CAD: variants seen among roughly 807,000 people sequenced by gnomAD.
The protein encoded by CAD is multifunctional protein CAD.
A neutral mutation model predicts 237.2 loss-of-function variants in CAD; 81 were observed. The observed-to-expected ratio is 0.34, with a 90% CI of 0.29 to 0.41. CAD has a LOEUF of 0.41. Among genes scored for constraint, CAD ranks in the 10% least tolerant of loss-of-function variants. The probability of loss-of-function intolerance (pLI) is 1.00; values close to 1 mark genes in which losing one functional copy is unlikely to be tolerated. For synonymous variants in CAD, 1,196 were observed against 1,162.8 expected, an observed-to-expected ratio of 1.03 and a Z score of -0.58; for missense variants, 2,181 against 2,951.7, an observed-to-expected ratio of 0.74 and a Z score of 6.05.
At chr2:27,224,213 T>A in intron 8 of CAD, 132 bp from the exon 9 acceptor site, 1 of 1,047,772 alleles carries the variant, frequency 9.5e-7, no homozygotes, top group East Asian at 2.5e-5. Flanking sequence ...GGTCCTGGGT[T>A]CTGGTCCTCC....
In CAD at chr2:27,243,164, C is replaced by G. The variant is rs759793894; in HGVS notation, c.6481-34C>G. ...GTGTCCTCTGTAGCCACTCCTACCCCAAGGCACTAATGGGGACCCCATCTG... is the reference window on the plus strand; with the variant it reads ...GTGTCCTCTGTAGCCACTCCTACCCGAAGGCACTAATGGGGACCCCATCTG... On this transcript the variant is annotated intron_variant, in intron 42 of 43. Transcript: ENST00000264705. 5 of 1,603,208 alleles carry G rather than the reference C, an allele frequency of 3.1e-6. No individual in the cohort carries two copies. In the Admixed American group the frequency reaches 5.0e-5, roughly 16 times the overall value.
chr2:27,221,215 C>A lies in CAD; in HGVS notation c.223-3C>A. Reference sequence around the variant, plus strand: ...GCTTCTCACAATCTCTTTCCATCTACAGTGGTTTGAATCCTCGGGCATCCA... The same window carrying A: ...GCTTCTCACAATCTCTTTCCATCTAAAGTGGTTTGAATCCTCGGGCATCCA... On this transcript the variant is annotated splice_polypyrimidine_tract_variant and splice_region_variant and intron_variant, in intron 2 of 43. Transcript: ENST00000264705. 1 of 1,526,506 alleles carries A rather than the reference C, an allele frequency of 6.6e-7. No homozygotes were observed. Among genetic ancestry groups the A allele is most frequent in the Non-Finnish European group, 8.8e-7 (1 of 1,132,114 alleles). 94.6% of individuals were successfully genotyped at this position (1,526,506 alleles called of 1,614,324 possible).
Position 27,242,290 on chromosome 2 carries a change from CCT to C in CAD, c.6097-11_6097-10del. ...TGAGCTGCAAAAGACAGGATTTTCC[CCT>C]TTTTTCCAGCTGGCCGCCAAGCACT... On this transcript the variant is annotated splice_polypyrimidine_tract_variant and intron_variant, in intron 39 of 43. Transcript: ENST00000264705. This position sits in a 1 kb window ranked among gnomAD's most constrained non-coding sequence, Gnocchi z 6.4. The C allele has an allele frequency of 6.2e-7, 1 of 1,604,070 alleles. No homozygotes were observed. Among genetic ancestry groups the C allele is most frequent in the South Asian group, 1.1e-5 (1 of 90,458 alleles).
Position 27,223,929 on chromosome 2 carries a change from C to T in CAD, c.1008C>T (p.His336=), listed in dbSNP as rs1229260634. 6.2e-7 allele frequency: 1 copy of T among 1,612,852 alleles called. No homozygotes were observed. The highest frequency in any genetic ancestry group is 1.1e-5 in the South Asian group (1 of 91,060). The part of the protein sequence containing the change: ...NSLPFFSVQF[H]PEHQAGPSDM... ...ATCTCTTCAATAGTGTCCAGTTTCACCCAGAGCACCAAGCTGGCCCTTCAG... is the reference window on the plus strand; with the variant it reads ...ATCTCTTCAATAGTGTCCAGTTTCATCCAGAGCACCAAGCTGGCCCTTCAG... Residue 336 remains histidine (H), a synonymous_variant, in exon 8 of 44, where the codon CAC becomes CAT. Transcript: ENST00000264705.
rs1016612477 is a variant in CAD, at chr2:27,232,803, C to T, written c.2892+109C>T. 1.7e-5 allele frequency: 24 copies of T among 1,426,734 alleles called. No individual in the cohort carries two copies. Among genetic ancestry groups the T allele is most frequent in the Middle Eastern group, 3.6e-4 (2 of 5,480 alleles). The allele number at this position is 1,426,734 out of a possible 1,614,324, so 88.4% of individuals were successfully genotyped here. A position where few individuals can be genotyped will look rare whatever the true frequency, so the allele number is the denominator to read the frequency against. On this transcript the variant is annotated intron_variant, in intron 18 of 43. Coordinates refer to ENST00000264705, the MANE Select transcript of CAD (RefSeq NM_004341.5). This position sits in a 1 kb window ranked among gnomAD's most constrained non-coding sequence, Gnocchi z 4.1. ...ATTAATTGCCGTCCCTTACTTTGGT[C>T]ATAGAGCTTTGGGGTGGGGGTCCTT...
chr2:27,219,695 T>C (rs771211174), intron 2 of CAD, among the ~76,000 whole-genome samples: 8 of 152,162 alleles, frequency 5.3e-5, no homozygotes, highest in Non-Finnish European at 1.2e-4. Context: ...GTTCAAGCTA[T>C]TCTCCCACCT....
intron 15 of CAD, among the ~76,000 whole-genome samples, chr2:27,230,399 T>C (rs1675684498): frequency 6.6e-6 from 1 of 152,028 alleles, no homozygotes; most frequent in South Asian, 2.1e-4. Context: ...CCCAGCACTT[T>C]GGGAGGCCGA....
Position 27,237,768 on chromosome 2 carries a change from G to C in CAD, c.4614G>C (p.Ser1538=). Residue 1538 remains serine (S), a synonymous_variant, in exon 29 of 44, where the codon TCG becomes TCC. Coordinates refer to ENST00000264705, the MANE Select transcript of CAD (RefSeq NM_004341.5). The surrounding 1 kb of genome is among the most constrained non-coding windows in gnomAD (Gnocchi z 4.0). ...RCDFALFLGA[S]SENAGTLGTV... is the part of the protein sequence containing the mutation. ...ACTTTGCGCTATTCCTTGGGGCCTC[G>C]TCTGAAAATGCAGGAACCTTGGGCA... 6.2e-7 allele frequency: 1 copy of C among 1,614,196 alleles called. No individual in the cohort carries two copies. Among genetic ancestry groups the C allele is most frequent in the Non-Finnish European group, 8.5e-7 (1 of 1,180,032 alleles).
rs1447740353 is a variant in CAD, at chr2:27,231,458, G to C, written c.2288-10G>C. ...TCCACACCTTCATTCCTTCCATTCT[G>C]TTCTTCCAGGTGAAGTCATGGGCAT... On this transcript the variant is annotated splice_polypyrimidine_tract_variant and intron_variant, in intron 15 of 43. Coordinates refer to ENST00000264705, the MANE Select transcript of CAD (RefSeq NM_004341.5). 4 of 1,533,092 alleles carry C rather than the reference G, an allele frequency of 2.6e-6. No individual in the cohort carries two copies. The highest frequency in any genetic ancestry group is 3.6e-6 in the Non-Finnish European group (4 of 1,106,110). 95.0% of individuals were successfully genotyped at this position (1,533,092 alleles called of 1,614,324 possible). A position where few individuals can be genotyped will look rare whatever the true frequency, so the allele number is the denominator to read the frequency against.
At position 27,243,579 on chromosome 2, in the gene CAD, C is replaced by A; in HGVS notation, c.*61C>A. The A allele has an allele frequency of 8.0e-7, 1 of 1,250,612 alleles. No individual in the cohort carries two copies. The highest frequency in any genetic ancestry group is 1.1e-6 in the Non-Finnish European group (1 of 876,350). 77.5% of individuals were successfully genotyped at this position (1,250,612 alleles called of 1,614,324 possible). On this transcript the variant is annotated 3_prime_UTR_variant, in exon 44 of 44. Coordinates refer to ENST00000264705, the MANE Select transcript of CAD (RefSeq NM_004341.5). ...GCTGCTGGGCAAGGAATTCCAGTGCCTCCTACGGGGGCAGCACACTTAGAT... is the reference window on the plus strand; with the variant it reads ...GCTGCTGGGCAAGGAATTCCAGTGCATCCTACGGGGGCAGCACACTTAGAT...
At position 27,240,705 on chromosome 2, in the gene CAD, C is replaced by T; in HGVS notation, c.5594-206C>T. ...AACTGGGAGAGCCCCGGGAGGGCACCACTGCTCCCATACAACACAGCCCCA... is the reference window on the plus strand; with the variant it reads ...AACTGGGAGAGCCCCGGGAGGGCACTACTGCTCCCATACAACACAGCCCCA... On this transcript the variant is annotated intron_variant, in intron 35 of 43. Transcript: ENST00000264705. This position sits in a 1 kb window ranked among gnomAD's most constrained non-coding sequence, Gnocchi z 4.6. 1 of 1,378,668 alleles carries T rather than the reference C, an allele frequency of 7.3e-7. No individual in the cohort carries two copies. 85.4% of individuals were successfully genotyped at this position (1,378,668 alleles called of 1,614,324 possible).
intron 16 of CAD, 92 bp from the exon 17 acceptor site, chr2:27,231,888 G>A: frequency 1.3e-6 from 2 of 1,501,526 alleles, no homozygotes; most frequent in Admixed American, 3.4e-5. Context: ...CTGGTGTACA[G>A]TTTCCCCTTC....
intron 1 of CAD, 66 bp downstream of exon 1, chr2:27,217,699 C>T (rs1674934891): frequency 1.4e-6 from 2 of 1,454,630 alleles, no homozygotes; most frequent in East Asian, 2.5e-5. Flanking sequence ...TCCCAACCTT[C>T]CCCGTCCAGA....
Position 27,243,390 on chromosome 2 carries a change from CTTTTTTTTTT to C in CAD, c.6576-14_6576-5del, listed in dbSNP as rs5830040. ...TCCATGGGCTGCACGATAACACTTCCTTTTTTTTTTTTTTTTTTTTTGCAGCGTGGAAGTG... is the reference window on the plus strand; with the variant it reads ...TCCATGGGCTGCACGATAACACTTCCTTTTTTTTTTTGCAGCGTGGAAGTG... On this transcript the variant is annotated splice_polypyrimidine_tract_variant and intron_variant, in intron 43 of 43. Transcript: ENST00000264705. 5.8e-6 allele frequency: 8 copies of C among 1,378,792 alleles called. No individual in the cohort carries two copies. The highest frequency in any genetic ancestry group is 2.2e-5 in the Admixed American group (1 of 46,256). The allele number at this position is 1,378,792 out of a possible 1,614,324, so 85.4% of individuals were successfully genotyped here. A position where few individuals can be genotyped will look rare whatever the true frequency, so the allele number is the denominator to read the frequency against.
Position 27,242,860 on chromosome 2 carries a change from C to G in CAD, c.6379-12C>G, listed in dbSNP as rs1261252347. 8 of 1,613,666 alleles carry G rather than the reference C, an allele frequency of 5.0e-6. No individual in the cohort carries two copies. The African/African-American group carries it at 1.1e-4, about 22-fold the overall frequency. On this transcript the variant is annotated splice_polypyrimidine_tract_variant and intron_variant, in intron 41 of 43. Coordinates refer to ENST00000264705, the MANE Select transcript of CAD (RefSeq NM_004341.5). The surrounding 1 kb of genome is among the most constrained non-coding windows in gnomAD (Gnocchi z 6.4). ...CAGCGCTGCATCCACCATGGCTCTCCTCACCCTCCAGGAGGAATTCGAGAG... is the reference window on the plus strand; with the variant it reads ...CAGCGCTGCATCCACCATGGCTCTCGTCACCCTCCAGGAGGAATTCGAGAG...
In CAD at chr2:27,233,929, C is replaced by T. The variant is rs796128460; in HGVS notation, c.3400-79C>T. On this transcript the variant is annotated intron_variant, in intron 21 of 43. Coordinates refer to ENST00000264705, the MANE Select transcript of CAD (RefSeq NM_004341.5). This position sits in a 1 kb window ranked among gnomAD's most constrained non-coding sequence, Gnocchi z 6.3. ...TGGGAACAGTGGGCTATGTGGGGCT[C>T]GTTAAAGGAAGAGACAATCCTAGAG... 18 of 1,544,018 alleles carry T rather than the reference C, an allele frequency of 1.2e-5. No individual in the cohort carries two copies. The African/African-American group carries it at 1.2e-4, about 11-fold the overall frequency.
In CAD at chr2:27,236,723, T is replaced by G; in HGVS notation, c.4315-26T>G. ...ACAACTCCCAGGATCACCCTTCCCT[T>G]AAAGCTGACTGCTTTCCACTTGCAG... is the stretch of plus-strand genomic sequence containing the variant. On this transcript the variant is annotated intron_variant, in intron 26 of 43. Transcript: ENST00000264705. This position sits in a 1 kb window ranked among gnomAD's most constrained non-coding sequence, Gnocchi z 4.1. 6.2e-7 allele frequency: 1 copy of G among 1,610,734 alleles called. No individual in the cohort carries two copies. The highest frequency in any genetic ancestry group is 8.5e-7 in the Non-Finnish European group (1 of 1,176,916).
Position 27,238,536 on chromosome 2 carries a change from G to C in CAD, c.4966G>C (p.Gly1656Arg). 3.1e-6 allele frequency: 5 copies of C among 1,614,096 alleles called. No individual in the cohort carries two copies. Among genetic ancestry groups the C allele is most frequent in the Non-Finnish European group, 4.2e-6 (5 of 1,179,990 alleles). The change falls in exon 31 of 44, where the codon GGG (glycine) becomes CGG (arginine). Residue 1656 changes from glycine (G) to arginine (R), a missense_variant. Transcript: ENST00000264705. Reference sequence around the variant, plus strand: ...TGATGACCTGGAGCGCCTGGGGCCTGGGAAGGGGGAGGTCCGGCCTGAGCT... The same window carrying C: ...TGATGACCTGGAGCGCCTGGGGCCTCGGAAGGGGGAGGTCCGGCCTGAGCT... ...SHDDLERLGPGKGEVRPELGS... is the reference protein window; with the variant it reads ...SHDDLERLGPRKGEVRPELGS...
Position 27,241,179 on chromosome 2 carries a change from A to G in CAD, c.5760A>G (p.Ser1920=). Residue 1920 remains serine (S), a synonymous_variant, in exon 37 of 44, where the codon TCA becomes TCG. Coordinates refer to ENST00000264705, the MANE Select transcript of CAD (RefSeq NM_004341.5). This position sits in a 1 kb window ranked among gnomAD's most constrained non-coding sequence, Gnocchi z 4.6. ...LHPQTSPLLH[S]LVGQHILSVQ... is the part of the protein sequence containing the mutation. ...CCCAGACCTCACCCCTGCTGCACTCATTAGTGGGCCAACATATCCTGTCCG... is the reference window on the plus strand; with the variant it reads ...CCCAGACCTCACCCCTGCTGCACTCGTTAGTGGGCCAACATATCCTGTCCG... 1 of 1,613,002 alleles carries G rather than the reference A, an allele frequency of 6.2e-7. No individual in the cohort carries two copies. The highest frequency in any genetic ancestry group is 8.5e-7 in the Non-Finnish European group (1 of 1,179,512).
Sources: gnomAD v4.1 joint callset for allele counts (sites outside exome capture counted in the v4.1 genomes callset) on GRCh38, gnomAD v4.1.1 for gene constraint, Gnocchi (gnomAD v3.1) non-coding constraint, MANE v1.5 for transcripts, NCBI Gene and HGNC (gene_info 2026-07-23, HGNC 2026-07-21) for gene names.